PLEKHA5: variants seen among roughly 807,000 people sequenced by gnomAD.
PLEKHA5 encodes pleckstrin homology domain-containing family A member 5.
PLEKHA5 carries 55 observed loss-of-function variants against 181.9 expected under a neutral mutation model. The observed-to-expected ratio is 0.30, with a 90% confidence interval of 0.24 to 0.38. PLEKHA5 has a LOEUF of 0.38. PLEKHA5 is among the 10% of genes least tolerant of loss of function. The pLI is 1.00. For missense variants in PLEKHA5, 1,432 were observed against 1,549.5 expected (o/e 0.92, Z 1.27); for synonymous variants, 535 against 529.4 (o/e 1.01, Z -0.15).
At chr12:19,355,494 A>G (rs972460826) in intron 26 of PLEKHA5, among the ~76,000 whole-genome samples, 16 of 151,626 alleles carry the variant, frequency 1.1e-4, no homozygotes, top group Admixed American at 2.0e-4. Context: ...TGGGACAATA[A>G]GCACGTACCA....
chr12:19,306,816 A>G, intron 15 of PLEKHA5: 1 of 819,094 alleles, frequency 1.2e-6, no homozygotes, highest in South Asian at 1.4e-5. Flanking sequence ...ACCATGTCTG[A>G]CAAACACTGT....
chr12:19,354,297 G>A (rs1310554059), intron 26 of PLEKHA5, among the ~76,000 whole-genome samples: 9 of 147,756 alleles, frequency 6.1e-5, no homozygotes, highest in Non-Finnish European at 1.3e-4. Context: ...GACTACAGGC[G>A]CCCGCCACCA....
chr12:19,336,740 T>G (rs2093455380), intron 21 of PLEKHA5, 124 bp downstream of exon 21: 1 of 592,578 alleles, frequency 1.7e-6, no homozygotes, highest in African/African-American at 1.9e-5. Flanking sequence ...AGACCTGGAT[T>G]TGAATACTTT....
At chr12:19,285,805 ATTAC>A (rs2077096265) in intron 12 of PLEKHA5, among the ~76,000 whole-genome samples, 1 of 152,228 alleles carries the variant, frequency 6.6e-6, no homozygotes, top group South Asian at 2.1e-4. Flanking sequence ...TTCTTTTACT[ATTAC>A]TTGTGATGAA....
intron 3 of PLEKHA5, among the ~76,000 whole-genome samples, chr12:19,248,604 A>G (rs914065622): frequency 6.6e-6 from 1 of 152,200 alleles, no homozygotes; most frequent in African/African-American, 2.4e-5. Flanking sequence ...TTTTTATCCT[A>G]GAAGCAATAA....
intron 21 of PLEKHA5, among the ~76,000 whole-genome samples, chr12:19,338,423 C>A (rs1425650995): frequency 2.0e-5 from 3 of 151,898 alleles, no homozygotes; most frequent in Non-Finnish European, 4.4e-5. Flanking sequence ...AGTTTGAGAC[C>A]AGCCTGGCCA....
chr12:19,279,111 TA>T (rs1247931800), intron 11 of PLEKHA5, among the ~76,000 whole-genome samples: 1 of 152,204 alleles, frequency 6.6e-6, no homozygotes, highest in Non-Finnish European at 1.5e-5. Context: ...AATAGCATAT[TA>T]AAGAGCTCTC....
At chr12:19,262,054 C>T (rs1592242842) in intron 7 of PLEKHA5, among the ~76,000 whole-genome samples, 1 of 152,104 alleles carries the variant, frequency 6.6e-6, no homozygotes, top group African/African-American at 2.4e-5. Context: ...GCTTACTCTA[C>T]AATTTTTCTT....
intron 3 of PLEKHA5, among the ~76,000 whole-genome samples, chr12:19,215,931 G>GT (rs748669908): frequency 2.6e-5 from 4 of 152,146 alleles, no homozygotes; most frequent in Admixed American, 6.5e-5. Flanking sequence ...TATTTTTATT[G>GT]TTTTTTTCTA....
intron 15 of PLEKHA5, among the ~76,000 whole-genome samples, chr12:19,292,761 A>T (rs1442168597): frequency 6.6e-6 from 1 of 152,164 alleles, no homozygotes; most frequent in East Asian, 1.9e-4. Context: ...CAACGTGGCG[A>T]AACACCGTCT....
chr12:19,271,852 G>A (rs2072919430), intron 10 of PLEKHA5, among the ~76,000 whole-genome samples: 4 of 152,120 alleles, frequency 2.6e-5, no homozygotes, highest in Admixed American at 2.6e-4. Context: ...TGCGTGCCCA[G>A]CTTAGAGTCC....
intron 20 of PLEKHA5, among the ~76,000 whole-genome samples, chr12:19,326,166 C>A (rs1266285748): frequency 6.6e-6 from 1 of 151,986 alleles, no homozygotes; most frequent in African/African-American, 2.4e-5. Flanking sequence ...TTATGACAAA[C>A]CCTCAGAATA....
At chr12:19,132,484 A>G (rs542508651) in intron 3 of PLEKHA5, 34 bp downstream of exon 3, 2 of 1,099,528 alleles carry the variant, frequency 1.8e-6, no homozygotes, top group East Asian at 4.8e-5. Flanking sequence ...TTTCCTTCGT[A>G]ATTAGAATGC....
chr12:19,163,179 CTTT>C (rs762716561), intron 3 of PLEKHA5, among the ~76,000 whole-genome samples: 3 of 141,666 alleles, frequency 2.1e-5, no homozygotes, highest in Non-Finnish European at 3.1e-5. Context: ...TTTGAATTCA[CTTT>C]TTTTTTTTTT....
chr12:19,249,456 C>T (rs2064685568), intron 3 of PLEKHA5, among the ~76,000 whole-genome samples: 3 of 152,194 alleles, frequency 2.0e-5, no homozygotes, highest in Admixed American at 6.5e-5. Flanking sequence ...GAGATTTCAT[C>T]ACACTACTCA....
chr12:19,175,002 C>T (rs1360047261), intron 3 of PLEKHA5, among the ~76,000 whole-genome samples: 2 of 151,928 alleles, frequency 1.3e-5, no homozygotes, highest in African/African-American at 2.4e-5. Flanking sequence ...AATGATCAAG[C>T]TAATAAGAAA....
At chr12:19,164,934 C>T (rs2043944393) in intron 3 of PLEKHA5, among the ~76,000 whole-genome samples, 3 of 152,090 alleles carry the variant, frequency 2.0e-5, no homozygotes, top group Admixed American at 6.6e-5. Context: ...TCCTCCCTGC[C>T]GTTTTTCCCC....
intron 11 of PLEKHA5, among the ~76,000 whole-genome samples, chr12:19,279,583 A>G (rs552461494): frequency 6.6e-6 from 1 of 152,118 alleles, no homozygotes; most frequent in Non-Finnish European, 1.5e-5. Flanking sequence ...GAATCGTTTG[A>G]ACCTGGGAGA....
At chr12:19,245,700 C>G (rs2063543965) in intron 3 of PLEKHA5, among the ~76,000 whole-genome samples, 1 of 130,538 alleles carries the variant, frequency 7.7e-6, no homozygotes, top group Admixed American at 8.9e-5. Flanking sequence ...GCACTACTGC[C>G]TGGGGAACGA....
Sources: gnomAD v4.1 joint callset for allele counts (sites outside exome capture counted in the v4.1 genomes callset) on GRCh38, gnomAD v4.1.1 for gene constraint, MANE v1.5 for transcripts, NCBI Gene and HGNC (gene_info 2026-07-23, HGNC 2026-07-21) for gene names.